MELK: variants seen among roughly 807,000 people sequenced by gnomAD.
MELK encodes pEg3 kinase.
A neutral mutation model predicts 85.0 loss-of-function variants in MELK; 81 were observed. The ratio of observed to expected loss-of-function variants is 0.95; its 90% CI spans 0.80 to 1.15. The LOEUF is 1.15. MELK is among the 50% of genes most tolerant of loss of function. The pLI, the probability that MELK is intolerant of heterozygous loss-of-function variation, is 0.00. For missense variants in MELK, 754 were observed against 777.5 expected, an observed-to-expected ratio of 0.97 and a Z score of 0.36; for synonymous variants, 252 against 265.0, an observed-to-expected ratio of 0.95 and a Z score of 0.48.
intron 7 of MELK, among the ~76,000 whole-genome samples, chr9:36,602,933 A>G (rs1370917412): frequency 6.6e-6 from 1 of 152,174 alleles, no homozygotes; most frequent in Non-Finnish European, 1.5e-5. Context: ...AGGCTCAGAA[A>G]TTTGGTGCCT....
intron 16 of MELK, among the ~76,000 whole-genome samples, chr9:36,671,382 C>G (rs1832874638): frequency 6.6e-6 from 1 of 152,134 alleles, no homozygotes. Context: ...AGCTATCATT[C>G]AAATATTCAA....
intron 10 of MELK, among the ~76,000 whole-genome samples, chr9:36,637,053 C>T (rs184446793): frequency 2.0e-5 from 3 of 151,886 alleles, no homozygotes; most frequent in African/African-American, 4.8e-5. Flanking sequence ...AGGATGGTCT[C>T]GATCTCCTGA....
At chr9:36,651,293 G>C (rs1165278624) in intron 11 of MELK, among the ~76,000 whole-genome samples, 1 of 152,130 alleles carries the variant, frequency 6.6e-6, no homozygotes, top group Non-Finnish European at 1.5e-5. Context: ...TCCCTACTTA[G>C]TTGTGAATGC....
intron 16 of MELK, 142 bp from the exon 17 acceptor site, chr9:36,674,692 G>A: frequency 2.1e-6 from 1 of 476,598 alleles, no homozygotes; most frequent in East Asian, 3.4e-5. Context: ...AGAGTTGACT[G>A]TAAATTCCTT....
Position 36,651,983 on chromosome 9 carries a change from T to C in MELK, c.1053+106T>C, listed in dbSNP as rs970766414. The C allele has an allele frequency of 3.5e-6, 4 of 1,140,842 alleles. No homozygotes were observed. The African/African-American group carries it at 6.4e-5, about 18-fold the overall frequency. 70.7% of individuals were successfully genotyped at this position (1,140,842 alleles called of 1,614,324 possible). On this transcript the variant is annotated intron_variant, in intron 12 of 17. Coordinates refer to ENST00000298048, the MANE Select transcript of MELK (RefSeq NM_014791.4). ...CGGTGTCAAGGAGTCAGAGGCAAGA[T>C]GTTTTATGATTTCAATATTTTTGAT... is the stretch of plus-strand genomic sequence containing the variant.
At chr9:36,636,067 G>A (rs1185276601) in intron 10 of MELK, among the ~76,000 whole-genome samples, 4 of 151,926 alleles carry the variant, frequency 2.6e-5, no homozygotes, top group Non-Finnish European at 4.4e-5. Context: ...GATTACAGGC[G>A]TGAGCCACTG....
At chr9:36,616,528 T>C (rs576304585) in intron 8 of MELK, among the ~76,000 whole-genome samples, 110 of 151,992 alleles carry the variant, frequency 7.2e-4, no homozygotes, top group African/African-American at 2.6e-3. Context: ...TAGCTGGGAT[T>C]ACAGGCTCCC....
In MELK at chr9:36,613,894, A is replaced by AT. The variant is rs563667737; in HGVS notation, c.666+6227dup. 1.1e-3 allele frequency among the ~76,000 whole-genome samples: 161 copies of AT among 152,116 alleles called. 2 individuals are homozygous for AT. The highest frequency in any genetic ancestry group is 3.4e-3 in the Middle Eastern group (1 of 294). ...GGTAGGCTCTCATAAGGACTTTGGC[A>AT]TTTTTTCTACGTGAAATGGGGAGCC... On this transcript the variant is annotated intron_variant, in intron 8 of 17. Coordinates refer to ENST00000298048, the MANE Select transcript of MELK (RefSeq NM_014791.4).
At chr9:36,651,072 T>A (rs553974989) in intron 11 of MELK, among the ~76,000 whole-genome samples, 73 of 152,340 alleles carry the variant, frequency 4.8e-4, no homozygotes, top group Middle Eastern at 6.8e-3. Flanking sequence ...TGTTAAAATA[T>A]TAGTGTATTT....
At chr9:36,584,608 C>G (rs577209353) in intron 3 of MELK, among the ~76,000 whole-genome samples, 1 of 151,052 alleles carries the variant, frequency 6.6e-6, no homozygotes, top group South Asian at 2.1e-4. Flanking sequence ...GCTGGGATTA[C>G]AGGCGTGAGG....
intron 1 of MELK, among the ~76,000 whole-genome samples, chr9:36,575,131 TCAAAAACAAAAA>T (rs968354625): frequency 7.9e-5 from 12 of 152,186 alleles, no homozygotes; most frequent in African/African-American, 2.7e-4. Flanking sequence ...AGACTCCGTC[TCAAAAACAAAAA>T]CAAAAACAAA....
chr9:36,677,473 T>C lies in MELK; in HGVS notation c.*136T>C, dbSNP rs1833447962. The C allele has an allele frequency of 1.5e-6, 1 of 682,628 alleles. No homozygotes were observed. The highest frequency in any genetic ancestry group is 2.2e-6 in the Non-Finnish European group (1 of 452,522). 42.3% of individuals were successfully genotyped at this position (682,628 alleles called of 1,614,324 possible). ...AAAGAGCTATCTTAAGACCAATATC[T>C]CTTTGTTTTTAAACAAAAGATATTA... is the stretch of plus-strand genomic sequence containing the variant. On this transcript the variant is annotated 3_prime_UTR_variant, in exon 18 of 18. Coordinates refer to ENST00000298048, the MANE Select transcript of MELK (RefSeq NM_014791.4).
Position 36,583,843 on chromosome 9 carries a change from C to G in MELK, c.144+131C>G, listed in dbSNP as rs185773237. Reference sequence around the variant, plus strand: ...TATACCTTTTAAAAAACGTATAGATCTGTGGTTTTAAAAAGTAATCTGGGG... The same window carrying G: ...TATACCTTTTAAAAAACGTATAGATGTGTGGTTTTAAAAAGTAATCTGGGG... On this transcript the variant is annotated intron_variant, in intron 3 of 17. Coordinates refer to ENST00000298048, the MANE Select transcript of MELK (RefSeq NM_014791.4). 1.7e-5 allele frequency: 11 copies of G among 643,152 alleles called. No homozygotes were observed. The Admixed American group carries it at 2.1e-4, about 12-fold the overall frequency. The allele number at this position is 643,152 out of a possible 1,614,324, so 39.8% of individuals were successfully genotyped here. A position where few individuals can be genotyped will look rare whatever the true frequency, so the allele number is the denominator to read the frequency against.
At chr9:36,654,964 T>C (rs985441601) in intron 12 of MELK, among the ~76,000 whole-genome samples, 3 of 152,142 alleles carry the variant, frequency 2.0e-5, no homozygotes, top group African/African-American at 7.2e-5. Flanking sequence ...GATAGAATTA[T>C]CCCTTTTCTC....
At chr9:36,585,293 C>G (rs1822762776) in intron 3 of MELK, among the ~76,000 whole-genome samples, 1 of 147,576 alleles carries the variant, frequency 6.8e-6, no homozygotes, top group African/African-American at 2.5e-5. Flanking sequence ...ATTCCTTCTA[C>G]CATTCTTTGT....
intron 8 of MELK, among the ~76,000 whole-genome samples, chr9:36,621,276 A>G (rs113841825): frequency 0.011 from 354 of 32,112 alleles, 6 homozygotes; most frequent in African/African-American, 0.063. Flanking sequence ...TGTCTCAGGG[A>G]AAAAAAAAAA....
chr9:36,622,304 TGTC>T (rs1027850743), intron 8 of MELK, among the ~76,000 whole-genome samples: 37 of 152,166 alleles, frequency 2.4e-4, no homozygotes, highest in African/African-American at 8.9e-4. Context: ...CTAATTAAGG[TGTC>T]GTATCACTTG....
At chr9:36,629,478 T>TA (rs1291327002) in intron 8 of MELK, among the ~76,000 whole-genome samples, 25 of 152,318 alleles carry the variant, frequency 1.6e-4, no homozygotes, top group African/African-American at 5.5e-4. Flanking sequence ...CTTTTAGTCC[T>TA]AAAAGAGGTA....
At chr9:36,622,958 AACAAAC>A in intron 8 of MELK, among the ~76,000 whole-genome samples, 1 of 152,304 alleles carries the variant, frequency 6.6e-6, no homozygotes, top group East Asian at 1.9e-4. Context: ...CCCTTAAATA[AACAAAC>A]ACAAATTCTT....
Sources: gnomAD v4.1 joint callset for allele counts (sites outside exome capture counted in the v4.1 genomes callset) on GRCh38, gnomAD v4.1.1 for gene constraint, MANE v1.5 for transcripts, NCBI Gene and HGNC (gene_info 2026-07-23, HGNC 2026-07-21) for gene names.